LRRC37A: variants seen among roughly 807,000 people sequenced by gnomAD.
LRRC37A encodes leucine rich repeat containing 37A.
A neutral mutation model predicts 35.4 loss-of-function variants in LRRC37A; 3 were observed. The observed-to-expected ratio is 0.08, with a 90% CI of 0.04 to 0.22. LRRC37A has a LOEUF of 0.22. Among genes scored for constraint, LRRC37A ranks in the 10% least tolerant of loss-of-function variants. The pLI is 1.00. For synonymous variants in LRRC37A, 23 were observed against 215.0 expected (o/e 0.11, Z 7.81); for missense variants, 67 against 565.3 (o/e 0.12, Z 8.94).
At chr17:46,257,940 TC>T in the LRRC37A span, among the ~76,000 whole-genome samples, 1 of 152,246 alleles carries the variant, frequency 6.6e-6, no homozygotes, top group Non-Finnish European at 1.5e-5. Flanking sequence ...TGCTCAGTTC[TC>T]TTGGGATGTT....
chr17:46,291,620 T>C (rs1326597279), upstream of LRRC37A, among the ~76,000 whole-genome samples: 1 of 151,504 alleles, frequency 6.6e-6, no homozygotes, highest in African/African-American at 2.4e-5. Flanking sequence ...AAATGTGTAA[T>C]ATGAAAAAAA....
At chr17:46,258,586 A>G in the LRRC37A span, among the ~76,000 whole-genome samples, 3 of 152,234 alleles carry the variant, frequency 2.0e-5, no homozygotes, top group African/African-American at 7.2e-5. Flanking sequence ...CCAAATGCCC[A>G]TCAATCAATG....
the LRRC37A span, among the ~76,000 whole-genome samples, chr17:46,257,142 GTT>G: frequency 6.6e-6 from 1 of 151,992 alleles, no homozygotes; most frequent in South Asian, 2.1e-4. Flanking sequence ...TCGTACTTAT[GTT>G]GTTATAAAGA....
chr17:46,254,780 C>T, the LRRC37A span, among the ~76,000 whole-genome samples: 9 of 150,614 alleles, frequency 6.0e-5, no homozygotes, highest in Admixed American at 1.3e-4. Flanking sequence ...CCTTGTGATC[C>T]GCCTGCCTCA....
the LRRC37A span, chr17:46,267,591 G>C: frequency 6.2e-7 from 1 of 1,606,172 alleles, no homozygotes; most frequent in Non-Finnish European, 8.5e-7. Flanking sequence ...GCCACAGCCC[G>C]GGCTGTGGGT....
At position 46,311,636 on chromosome 17, in the gene LRRC37A, G is replaced by A. The variant is rs2050803823; in HGVS notation, c.2906+5327G>A. Among the ~76,000 whole-genome samples the A allele has an allele frequency of 2.2e-5, 2 of 91,984 alleles. 1 individual carries two copies. The highest frequency in any genetic ancestry group is 6.6e-5 in the African/African-American group (2 of 30,250). The allele number at this position is 91,984 out of a possible 152,430, so 60.3% of individuals were successfully genotyped here. A position where few individuals can be genotyped will look rare whatever the true frequency, so the allele number is the denominator to read the frequency against. ...GGAAAAAAAAAAACAGGCAAGAAAT[G>A]TTCCCTTATTTTGTGAGCTACCTTT... On this transcript the variant is annotated intron_variant, in intron 5 of 13. Transcript: ENST00000320254.
chr17:46,267,516 C>T, the LRRC37A span: 6 of 1,612,612 alleles, frequency 3.7e-6, no homozygotes, highest in South Asian at 5.5e-5. Flanking sequence ...GAGTTTAAAC[C>T]TGGTATTGAA....
chr17:46,253,368 A>G, the LRRC37A span, among the ~76,000 whole-genome samples: 2 of 152,060 alleles, frequency 1.3e-5, no homozygotes, highest in African/African-American at 2.4e-5. Context: ...AGAGGCTGCA[A>G]TCTCGGCACT....
chr17:46,304,535 G>C lies in LRRC37A; in HGVS notation c.2754-974G>C, dbSNP rs1447518133. On this transcript the variant is annotated intron_variant, in intron 3 of 13. Transcript: ENST00000320254. ...TTATATGATGACTGTGTGCAGGATA[G>C]TTTAGGTAGGGAGAGACTGGAGATG... 2.7e-5 allele frequency among the ~76,000 whole-genome samples: 2 copies of C among 75,180 alleles called. 1 individual carries two copies. The highest frequency in any genetic ancestry group is 2.8e-4 in the Admixed American group (2 of 7,050). The allele number at this position is 75,180 out of a possible 152,430, so 49.3% of individuals were successfully genotyped here.
At chr17:46,276,089 C>T in the LRRC37A span, among the ~76,000 whole-genome samples, 2 of 152,202 alleles carry the variant, frequency 1.3e-5, no homozygotes, top group African/African-American at 4.8e-5. Flanking sequence ...CGAGGTTTCA[C>T]CATGTTGGCC....
chr17:46,311,312 C>G (rs1314235329), intron 5 of LRRC37A: 5 of 331,304 alleles, frequency 1.5e-5, no homozygotes, highest in Non-Finnish European at 2.6e-5. Flanking sequence ...TTACTTTCTC[C>G]CCAAGTACAT....
At chr17:46,288,377 C>T (rs1311281105), upstream of LRRC37A, among the ~76,000 whole-genome samples, 14 of 146,644 alleles carry the variant, frequency 9.5e-5, no homozygotes, top group African/African-American at 2.6e-5. Context: ...GGCATGATCT[C>T]GGCTCACTGC....
the LRRC37A span, among the ~76,000 whole-genome samples, chr17:46,251,474 TCTCAAA>T: frequency 2.0e-5 from 3 of 152,050 alleles, no homozygotes; most frequent in Non-Finnish European, 2.9e-5. Flanking sequence ...GTCAGGCTGG[TCTCAAA>T]CTCCCAACCT....
chr17:46,287,082 C>A, the LRRC37A span, among the ~76,000 whole-genome samples: 1 of 152,220 alleles, frequency 6.6e-6, no homozygotes, highest in African/African-American at 2.4e-5. Context: ...TGCTATGAGT[C>A]AGCTAAACAT....
chr17:46,288,583 C>A (rs1382836533), upstream of LRRC37A, among the ~76,000 whole-genome samples: 2 of 151,702 alleles, frequency 1.3e-5, no homozygotes, highest in African/African-American at 4.9e-5. Context: ...CAGGTGTGAG[C>A]CACAGGGCCC....
chr17:46,291,772 TGAC>T (rs1387733874), upstream of LRRC37A, among the ~76,000 whole-genome samples: 1 of 150,762 alleles, frequency 6.6e-6, no homozygotes, highest in Non-Finnish European at 1.5e-5. Context: ...AAAAAAACAA[TGAC>T]AACAACAATA....
At chr17:46,253,263 A>G in the LRRC37A span, among the ~76,000 whole-genome samples, 1 of 145,440 alleles carries the variant, frequency 6.9e-6, no homozygotes, top group African/African-American at 2.6e-5. Flanking sequence ...CACTTCCTAG[A>G]TGGGATGGCG....
chr17:46,266,705 T>A, the LRRC37A span, among the ~76,000 whole-genome samples: 1 of 152,042 alleles, frequency 6.6e-6, no homozygotes, highest in Non-Finnish European at 1.5e-5. Flanking sequence ...AAAAGTAAGA[T>A]CGGTGTAGTG....
chr17:46,285,589 T>G, the LRRC37A span, among the ~76,000 whole-genome samples: 1 of 152,206 alleles, frequency 6.6e-6, no homozygotes, highest in African/African-American at 2.4e-5. Context: ...CTAATCATAC[T>G]GTTTCTCAAT....
Sources: gnomAD v4.1 joint callset for allele counts (sites outside exome capture counted in the v4.1 genomes callset) on GRCh38, gnomAD v4.1.1 for gene constraint, MANE v1.5 for transcripts, NCBI Gene and HGNC (gene_info 2026-07-23, HGNC 2026-07-21) for gene names.